IKZF1: variants seen among roughly 807,000 people sequenced by gnomAD.
IKZF1 encodes the protein DNA-binding protein Ikaros.
A neutral mutation model predicts 51.7 loss-of-function variants in IKZF1; 10 were observed. The observed-to-expected ratio is 0.19, with a 90% CI of 0.12 to 0.33. IKZF1 has a LOEUF of 0.33. Among genes scored for constraint, IKZF1 ranks in the 10% least tolerant of loss-of-function variants. IKZF1 has a pLI of 1.00. For missense variants in IKZF1, 484 were observed against 707.5 expected (o/e 0.68, Z 3.58); for synonymous variants, 280 against 282.3 (o/e 0.99, Z 0.08).
chr7:50,350,567 T>C (rs1671675978), intron 3 of IKZF1, among the ~76,000 whole-genome samples: 2 of 152,084 alleles, frequency 1.3e-5, no homozygotes, highest in African/African-American at 2.4e-5. Flanking sequence ...TGAGTGAGGA[T>C]AAATTGGGTT....
At chr7:50,385,846 G>A (rs555474464) in intron 5 of IKZF1, among the ~76,000 whole-genome samples, 1 of 152,298 alleles carries the variant, frequency 6.6e-6, no homozygotes, top group South Asian at 2.1e-4. Context: ...ATTTCCTTAT[G>A]TTGGGGGTAC....
rs775434416 is a variant in IKZF1 at position 50,304,839 on chromosome 7, C to G, written c.-98C>G. On this transcript the variant is annotated 5_prime_UTR_variant, in exon 1 of 8. Transcript: ENST00000331340. The stretch of plus-strand genomic sequence containing the variant: ...GCCGCGGCGAGGCGGGCAAGCCTGG[C>G]AGGGCAGAGGGAGCCCCGGCTCCGA... 1.5e-3 allele frequency: 227 copies of G among 152,750 alleles called. No individual in the cohort carries two copies. Among genetic ancestry groups the G allele is most frequent in the Non-Finnish European group, 1.1e-3 (73 of 68,028 alleles). 9.5% of individuals were successfully genotyped at this position (152,750 alleles called of 1,614,324 possible). A position where few individuals can be genotyped will look rare whatever the true frequency, so the allele number is the denominator to read the frequency against.
intron 7 of IKZF1, among the ~76,000 whole-genome samples, chr7:50,397,293 T>G (rs1816964199): frequency 6.6e-6 from 1 of 152,254 alleles, no homozygotes; most frequent in South Asian, 2.1e-4. Flanking sequence ...GACATGTTCC[T>G]TTAGCTGATT....
intron 5 of IKZF1, among the ~76,000 whole-genome samples, chr7:50,386,835 G>T (rs1369863326): frequency 6.6e-6 from 1 of 152,122 alleles, no homozygotes; most frequent in Non-Finnish European, 1.5e-5. Flanking sequence ...GTCCAGCATG[G>T]TTTCTTAGAG....
chr7:50,375,829 T>G (rs1282188207), intron 3 of IKZF1, among the ~76,000 whole-genome samples: 2 of 151,626 alleles, frequency 1.3e-5, no homozygotes, highest in African/African-American at 2.4e-5. Flanking sequence ...GGAAGAAGTG[T>G]AAGAAAGGAT....
chr7:50,343,137 T>TCTTC (rs58344055), intron 3 of IKZF1, among the ~76,000 whole-genome samples: 12,377 of 135,092 alleles, frequency 0.092, 1,440 homozygotes, highest in African/African-American at 0.26. Context: ...TCCCTTTCTT[T>TCTTC]CTTCCTTCCT....
chr7:50,358,603 A>G (rs1408756626), intron 3 of IKZF1, among the ~76,000 whole-genome samples: 1 of 152,258 alleles, frequency 6.6e-6, no homozygotes, highest in African/African-American at 2.4e-5. Flanking sequence ...ACTCAGAGGC[A>G]GAGGCCGTCT....
intron 3 of IKZF1, among the ~76,000 whole-genome samples, chr7:50,356,898 C>T (rs932713200): frequency 1.4e-4 from 21 of 151,674 alleles, no homozygotes; most frequent in African/African-American, 2.7e-4. Flanking sequence ...GAGGGAAGGG[C>T]GGAAGATCAC....
chr7:50,318,761 G>A (rs2153362359), intron 1 of IKZF1, among the ~76,000 whole-genome samples: 1 of 152,262 alleles, frequency 6.6e-6, no homozygotes, highest in East Asian at 1.9e-4. Context: ...TTTTGTTGCA[G>A]TCAGTTTGCA....
intron 3 of IKZF1, among the ~76,000 whole-genome samples, chr7:50,375,767 C>G (rs993155395): frequency 7.3e-6 from 1 of 136,468 alleles, no homozygotes; most frequent in Non-Finnish European, 1.5e-5. Flanking sequence ...GAAAAAAAAG[C>G]TCTTCCAGAT....
chr7:50,399,859 C>G, intron 7 of IKZF1, 59 bp from the exon 8 acceptor site: 1 of 1,543,584 alleles, frequency 6.5e-7, no homozygotes, highest in Non-Finnish European at 8.7e-7. Context: ...CTGTTGCTGC[C>G]AGACCTGACC....
In IKZF1 at chr7:50,376,721, C is replaced by T. The variant is rs759433474; in HGVS notation, c.349C>T (p.Leu117=). 8.7e-6 allele frequency: 14 copies of T among 1,613,812 alleles called. No homozygotes were observed. The highest frequency in any genetic ancestry group is 1.2e-5 in the Non-Finnish European group (14 of 1,179,884). ...VGGIRLPNGK[L]KCDICGIICI... ...AGGCATTCGACTTCCTAACGGAAAA[C>T]TAAAGTGTGATATCTGTGGGATCAT... Residue 117 remains leucine, a synonymous_variant, in exon 4 of 8, where the codon CTA becomes TTA. Transcript: ENST00000331340. This position sits in a 1 kb window ranked among gnomAD's most constrained non-coding sequence, Gnocchi z 4.5.
chr7:50,315,433 G>A (rs866920898), intron 1 of IKZF1, among the ~76,000 whole-genome samples: 39 of 152,300 alleles, frequency 2.6e-4, no homozygotes, highest in African/African-American at 8.9e-4. Flanking sequence ...TAGAGGCACA[G>A]CCATGGACAG....
intron 3 of IKZF1, among the ~76,000 whole-genome samples, chr7:50,345,806 G>A (rs1800210668): frequency 6.6e-6 from 1 of 152,220 alleles, no homozygotes; most frequent in African/African-American, 2.4e-5. Context: ...GGGAGGCCGA[G>A]GCAGGAGGAT....
At chr7:50,377,861 C>T (rs967501930) in intron 4 of IKZF1, among the ~76,000 whole-genome samples, 1 of 152,208 alleles carries the variant, frequency 6.6e-6, no homozygotes, top group Non-Finnish European at 1.5e-5. Context: ...GCTATCACTG[C>T]CTCTGAGCTG....
rs1219967646 is a variant in IKZF1 at position 50,305,391 on chromosome 7, C to T, written c.-15+469C>T. 6.6e-5 allele frequency among the ~76,000 whole-genome samples: 10 copies of T among 152,316 alleles called. No homozygotes were observed. The East Asian group carries it at 1.9e-3, about 29-fold the overall frequency. ...GTCCTTTTGCTGACCGCAGGTTTGA[C>T]GCTCAAGTCACCAAACCTTCTCAGG... On this transcript the variant is annotated intron_variant, in intron 1 of 7. Transcript: ENST00000331340.
rs1798203201 is a variant in IKZF1, at chr7:50,338,076, ATGT to A, written c.160+10320_160+10322del. On this transcript the variant is annotated intron_variant, in intron 3 of 7. Coordinates refer to ENST00000331340, the MANE Select transcript of IKZF1 (RefSeq NM_006060.6). Reference sequence around the variant, plus strand: ...AGCCAGTAATGTTCCAGAATCTGACATGTGAATTTTAAAAAAAAACTATAGAGA... The same window carrying A: ...AGCCAGTAATGTTCCAGAATCTGACAGAATTTTAAAAAAAAACTATAGAGA... Among the ~76,000 whole-genome samples, 9 of 152,224 alleles carry A rather than the reference ATGT, an allele frequency of 5.9e-5. No individual in the cohort carries two copies. In the South Asian group the frequency reaches 1.9e-3, roughly 31 times the overall value.
intron 1 of IKZF1, among the ~76,000 whole-genome samples, chr7:50,305,973 G>A (rs1465540477): frequency 1.3e-5 from 2 of 152,138 alleles, no homozygotes; most frequent in African/African-American, 4.8e-5. Context: ...GTTTGAAGAT[G>A]TTTGTTCAAT....
intron 3 of IKZF1, among the ~76,000 whole-genome samples, chr7:50,359,627 C>T (rs1051288446): frequency 1.3e-5 from 2 of 152,266 alleles, no homozygotes; most frequent in African/African-American, 4.8e-5. Context: ...CTCTGTGTGT[C>T]ATTTGCACAT....
Sources: allele counts gnomAD v4.1 joint callset (sites outside exome capture counted in the v4.1 genomes callset), GRCh38; gene constraint gnomAD v4.1.1; non-coding constraint Gnocchi (gnomAD v3.1); transcripts MANE v1.5; gene names NCBI Gene and HGNC (gene_info 2026-07-23, HGNC 2026-07-21).